The following ST6GALNAC5 variants were observed in gnomAD, a reference collection of about 807,000 sequenced individuals.
ST6GALNAC5 encodes alpha-N-acetylgalactosaminide alpha-2,6-sialyltransferase 5.
Under a neutral mutation model 33.6 loss-of-function variants are expected in ST6GALNAC5, and 27 were observed. The ratio of observed to expected loss-of-function variants is 0.80; its 90% CI spans 0.59 to 1.11. ST6GALNAC5 has a LOEUF of 1.11. ST6GALNAC5 is among the 50% of genes least tolerant of loss of function. The probability of loss-of-function intolerance (pLI) is 0.00; values close to 1 mark genes in which losing one functional copy is unlikely to be tolerated. For synonymous variants in ST6GALNAC5, 194 were observed against 171.2 expected (o/e 1.13, Z -1.04); for missense variants, 428 against 454.0 (o/e 0.94, Z 0.52).
chr1:76,900,244 A>G (rs940034655), intron 2 of ST6GALNAC5, among the ~76,000 whole-genome samples: 1 of 152,106 alleles, frequency 6.6e-6, no homozygotes, highest in African/African-American at 2.4e-5. Context: ...TCACAAGACA[A>G]TGTCATCAGT....
chr1:76,928,464 C>T (rs1647105926), intron 2 of ST6GALNAC5, among the ~76,000 whole-genome samples: 1 of 152,042 alleles, frequency 6.6e-6, no homozygotes, highest in South Asian at 2.1e-4. Flanking sequence ...GGGTTCTTTT[C>T]CCAATTTCAT....
intron 2 of ST6GALNAC5, among the ~76,000 whole-genome samples, chr1:76,965,182 C>T (rs1229091352): frequency 6.6e-6 from 1 of 150,866 alleles, no homozygotes; most frequent in Non-Finnish European, 1.5e-5. Flanking sequence ...GGAATTGCCA[C>T]ACTGTCTTCC....
At chr1:77,013,859 TATTC>T (rs1650729934) in intron 2 of ST6GALNAC5, among the ~76,000 whole-genome samples, 1 of 152,204 alleles carries the variant, frequency 6.6e-6, no homozygotes, top group Non-Finnish European at 1.5e-5. Context: ...TTTAACTAAT[TATTC>T]AATCAACGAT....
At chr1:76,881,168 C>A (rs79035511) in intron 2 of ST6GALNAC5, among the ~76,000 whole-genome samples, 3 of 152,172 alleles carry the variant, frequency 2.0e-5, no homozygotes, top group South Asian at 2.1e-4. Flanking sequence ...CTTGATCCAA[C>A]GGAAGAACTC....
intron 2 of ST6GALNAC5, among the ~76,000 whole-genome samples, chr1:76,982,103 C>T (rs1338694583): frequency 6.6e-6 from 1 of 151,570 alleles, no homozygotes; most frequent in Non-Finnish European, 1.5e-5. Flanking sequence ...AGCACCTCTT[C>T]TCCTCCAAAG....
intron 2 of ST6GALNAC5, among the ~76,000 whole-genome samples, chr1:76,952,638 A>G (rs1045882335): frequency 6.6e-6 from 1 of 152,132 alleles, no homozygotes; most frequent in Non-Finnish European, 1.5e-5. Flanking sequence ...TGTGTATTGC[A>G]ACATCACTAT....
intron 2 of ST6GALNAC5, among the ~76,000 whole-genome samples, chr1:76,910,655 GGTT>G (rs1335312468): frequency 6.6e-6 from 1 of 151,922 alleles, no homozygotes; most frequent in Non-Finnish European, 1.5e-5. Flanking sequence ...CTTTTCTGTA[GGTT>G]GTTATCAATG....
At chr1:77,043,578 A>C (rs140333694) in intron 2 of ST6GALNAC5, among the ~76,000 whole-genome samples, 369 of 152,354 alleles carry the variant, frequency 2.4e-3, no homozygotes, top group African/African-American at 8.6e-3. Flanking sequence ...TCACTTCAAA[A>C]TTATGGCCTC....
intron 2 of ST6GALNAC5, among the ~76,000 whole-genome samples, chr1:76,898,845 G>A (rs959092144): frequency 6.6e-5 from 10 of 152,016 alleles, no homozygotes; most frequent in South Asian, 2.1e-4. Context: ...GACCTAGCTC[G>A]GCCTGGCGAG....
At chr1:77,051,182 A>AT (rs1652206436) in intron 4 of ST6GALNAC5, among the ~76,000 whole-genome samples, 1 of 152,084 alleles carries the variant, frequency 6.6e-6, no homozygotes, top group Non-Finnish European at 1.5e-5. Flanking sequence ...TTATTTGTTT[A>AT]TTTTTTCTAA....
At chr1:77,046,229 A>G (rs903519470) in intron 3 of ST6GALNAC5, among the ~76,000 whole-genome samples, 5 of 152,220 alleles carry the variant, frequency 3.3e-5, no homozygotes, top group Admixed American at 6.5e-5. Flanking sequence ...AGTGTGAGCA[A>G]CATAGCAAGA....
At chr1:76,997,902 G>A (rs754713533) in intron 2 of ST6GALNAC5, among the ~76,000 whole-genome samples, 4 of 152,288 alleles carry the variant, frequency 2.6e-5, no homozygotes, top group South Asian at 2.1e-4. Context: ...TGTTAAGAGC[G>A]AGACCAGGTG....
At chr1:76,897,871 T>C (rs943095372) in intron 2 of ST6GALNAC5, among the ~76,000 whole-genome samples, 1 of 152,178 alleles carries the variant, frequency 6.6e-6, no homozygotes, top group Non-Finnish European at 1.5e-5. Context: ...ACAACAGTTA[T>C]AGAGGCAAGG....
rs199703 is a variant in ST6GALNAC5 at position 77,052,202 on chromosome 1, C to T, written c.779+1837C>T. Among the ~76,000 whole-genome samples, 777 of 152,324 alleles carry T rather than the reference C, an allele frequency of 5.1e-3. 6 individuals carry two copies. Among genetic ancestry groups the T allele is most frequent in the African/African-American group, 0.017 (717 of 41,564 alleles). ...TCAAAAGGACCCCTACGCCCAAGTT[C>T]TGTCAGAGAAGTGAAGAGTGTCATC... On this transcript the variant is annotated intron_variant, in intron 4 of 4. Transcript: ENST00000477717.
chr1:76,952,712 T>C (rs1038663428), intron 2 of ST6GALNAC5, among the ~76,000 whole-genome samples: 8 of 151,938 alleles, frequency 5.3e-5, no homozygotes, highest in Non-Finnish European at 7.4e-5. Flanking sequence ...TTTAAAAAAT[T>C]AAAAATAATT....
intron 2 of ST6GALNAC5, among the ~76,000 whole-genome samples, chr1:77,009,814 G>A (rs1650564247): frequency 6.6e-6 from 1 of 152,032 alleles, no homozygotes. Context: ...ATTTTCTTAG[G>A]CCAAATTGCC....
chr1:76,900,171 G>A (rs977681050), intron 2 of ST6GALNAC5, among the ~76,000 whole-genome samples: 6 of 152,204 alleles, frequency 3.9e-5, no homozygotes, highest in Admixed American at 3.3e-4. Context: ...GGTGGGCAGA[G>A]TGGAGGTCAC....
At chr1:76,939,700 G>T (rs867554315) in intron 2 of ST6GALNAC5, among the ~76,000 whole-genome samples, 3 of 152,062 alleles carry the variant, frequency 2.0e-5, no homozygotes, top group Non-Finnish European at 4.4e-5. Flanking sequence ...TAAGACTGAG[G>T]GATATACATT....
At chr1:77,046,206 G>T (rs1260681054) in intron 3 of ST6GALNAC5, among the ~76,000 whole-genome samples, 1 of 152,164 alleles carries the variant, frequency 6.6e-6, no homozygotes, top group Non-Finnish European at 1.5e-5. Context: ...CTTGAGCCCA[G>T]GAGTTCAAAT....
Sources: gnomAD v4.1 joint callset for allele counts (sites outside exome capture counted in the v4.1 genomes callset) on GRCh38, gnomAD v4.1.1 for gene constraint, MANE v1.5 for transcripts, NCBI Gene and HGNC (gene_info 2026-07-23, HGNC 2026-07-21) for gene names.